The following BTBD16 variants were observed in gnomAD, a reference collection of about 807,000 sequenced individuals.
BTBD16 encodes the protein BTB/POZ domain-containing protein 16.
In BTBD16, 66 loss-of-function variants were observed where a neutral mutation model predicts 67.4. The observed-to-expected ratio is 0.98, with a 90% CI of 0.80 to 1.20. The LOEUF (loss-of-function observed/expected upper bound fraction) is 1.20, where lower values mean the gene tolerates loss of function less well. Ranked by LOEUF, BTBD16 falls within the 50% of genes most tolerant of loss-of-function variation. BTBD16 has a pLI of 0.00. For missense variants in BTBD16, 634 were observed against 616.0 expected, an observed-to-expected ratio of 1.03 and a Z score of -0.31; for synonymous variants, 242 against 236.4, an observed-to-expected ratio of 1.02 and a Z score of -0.22.
In BTBD16 at chr10:122,336,692, C is replaced by A. The variant is rs1396312549; in HGVS notation, c.1452+10C>A. ...ATCCTGCAAAAGCCATGCAAGTGTT[C>A]ACGTTGTCTTTTCCTTTATTTCCTT... On this transcript the variant is annotated intron_variant, in intron 15 of 15. Transcript: ENST00000260723. 1 of 1,566,386 alleles carries A rather than the reference C, an allele frequency of 6.4e-7. No homozygotes were observed. The highest frequency in any genetic ancestry group is 1.2e-5 in the South Asian group (1 of 83,032).
chr10:122,275,070 C>T lies in BTBD16; in HGVS notation c.-12C>T, dbSNP rs746231038. On this transcript the variant is annotated 5_prime_UTR_variant, in exon 2 of 16. Transcript: ENST00000260723. ...TTGTCTTTTCTCTCCTGCGTAATTT[C>T]CACTTTCATTCATGATAATGTCGAA... is the stretch of plus-strand genomic sequence containing the variant. 1.2e-6 allele frequency: 2 copies of T among 1,613,970 alleles called. No individual in the cohort carries two copies. The highest frequency in any genetic ancestry group is 2.2e-5 in the South Asian group (2 of 91,040).
chr10:122,325,902 C>T (rs1256906845), intron 10 of BTBD16, among the ~76,000 whole-genome samples: 1 of 152,070 alleles, frequency 6.6e-6, no homozygotes, highest in Admixed American at 6.5e-5. Context: ...TCTCCAACTC[C>T]TGACCTCAGG....
At chr10:122,279,931 G>A (rs184294582) in intron 3 of BTBD16, among the ~76,000 whole-genome samples, 168 of 152,224 alleles carry the variant, frequency 1.1e-3, no homozygotes, top group Admixed American at 2.7e-3. Context: ...CCAGCTTCTC[G>A]TCTATTTCGG....
At chr10:122,291,706 A>G (rs929369587) in intron 7 of BTBD16, 5 of 152,272 alleles carry the variant, frequency 3.3e-5, no homozygotes, top group African/African-American at 1.2e-4. Flanking sequence ...TTATTGTTAT[A>G]AATGTTACAT....
intron 10 of BTBD16, among the ~76,000 whole-genome samples, chr10:122,316,849 C>T (rs1198846474): frequency 6.6e-6 from 1 of 151,418 alleles, no homozygotes; most frequent in Non-Finnish European, 1.5e-5. Flanking sequence ...AGTGCAACGG[C>T]GCAATCTCGG....
chr10:122,277,096 T>G lies in BTBD16; in HGVS notation c.167+157T>G, dbSNP rs190239135. Among the ~76,000 whole-genome samples, 281 of 151,962 alleles carry G rather than the reference T, an allele frequency of 1.8e-3. 2 individuals are homozygous for G. The highest frequency in any genetic ancestry group is 3.4e-3 in the Non-Finnish European group (230 of 67,996). On this transcript the variant is annotated intron_variant, in intron 3 of 15. Transcript: ENST00000260723. ...AGCCAGCTCTCAGGCATGGACAGGG[T>G]CATAAGTGACTACTACCTCTGAGAA... is the stretch of plus-strand genomic sequence containing the variant.
chr10:122,297,910 A>G (rs1230057935), intron 8 of BTBD16, 73 bp downstream of exon 8: 30 of 1,376,584 alleles, frequency 2.2e-5, no homozygotes, highest in Non-Finnish European at 3.1e-5. Flanking sequence ...CTGGGATTTT[A>G]CCCACCAGGC....
chr10:122,277,608 G>A (rs1360085364), intron 3 of BTBD16, among the ~76,000 whole-genome samples: 1 of 152,122 alleles, frequency 6.6e-6, no homozygotes, highest in African/African-American at 2.4e-5. Flanking sequence ...AAGAGGAGCC[G>A]AGTGTGCAGA....
At chr10:122,320,290 T>A (rs964396381) in intron 10 of BTBD16, among the ~76,000 whole-genome samples, 1 of 152,112 alleles carries the variant, frequency 6.6e-6, no homozygotes, top group Non-Finnish European at 1.5e-5. Flanking sequence ...CAGGAGGAAA[T>A]AATTTAATCT....
chr10:122,320,327 T>A (rs1443896941), intron 10 of BTBD16, among the ~76,000 whole-genome samples: 4 of 152,076 alleles, frequency 2.6e-5, no homozygotes, highest in African/African-American at 2.4e-5. Flanking sequence ...ATTTTAACTA[T>A]AGGTTTTTTA....
At chr10:122,320,524 CTAAT>C (rs762837757) in intron 10 of BTBD16, among the ~76,000 whole-genome samples, 1 of 151,966 alleles carries the variant, frequency 6.6e-6, no homozygotes, top group Non-Finnish European at 1.5e-5. Context: ...AAATTTCCCT[CTAAT>C]TATTGCTTTA....
At chr10:122,278,560 G>A (rs1379701146) in intron 3 of BTBD16, among the ~76,000 whole-genome samples, 1 of 152,196 alleles carries the variant, frequency 6.6e-6, no homozygotes, top group Non-Finnish European at 1.5e-5. Flanking sequence ...TAATCCCGGT[G>A]ATTTCATCTT....
At chr10:122,332,942 A>G in intron 13 of BTBD16, 3 of 985,326 alleles carry the variant, frequency 3.0e-6, no homozygotes, top group Admixed American at 6.1e-5. Context: ...CTGGGCAGCT[A>G]TTTTGATGGA....
intron 12 of BTBD16, 91 bp from the exon 13 acceptor site, chr10:122,332,345 G>GA (rs1229489130): frequency 5.8e-6 from 7 of 1,201,020 alleles, no homozygotes; most frequent in Non-Finnish European, 7.2e-6. Flanking sequence ...TGGTGAGGGG[G>GA]GCAGGGGTCA....
intron 3 of BTBD16, among the ~76,000 whole-genome samples, chr10:122,278,393 T>C (rs1186033966): frequency 4.6e-5 from 7 of 152,228 alleles, no homozygotes; most frequent in African/African-American, 1.2e-4. Context: ...TTTCCTCATC[T>C]TTCAAATGGT....
chr10:122,275,623 C>G (rs975840517), intron 2 of BTBD16, among the ~76,000 whole-genome samples: 5 of 152,196 alleles, frequency 3.3e-5, no homozygotes, highest in Non-Finnish European at 7.3e-5. Context: ...CTCATATGCT[C>G]TAGTCCGTGG....
chr10:122,318,746 C>T (rs571986670), intron 10 of BTBD16, among the ~76,000 whole-genome samples: 33 of 152,222 alleles, frequency 2.2e-4, no homozygotes, highest in South Asian at 6.2e-4. Context: ...CCAACACGCC[C>T]GGCTAATTTT....
At chr10:122,334,803 T>A in intron 13 of BTBD16, 78 bp from the exon 14 acceptor site, 1 of 885,370 alleles carries the variant, frequency 1.1e-6, no homozygotes, top group South Asian at 1.4e-5. Context: ...ATTACAGGTG[T>A]GAACCACCAC....
chr10:122,333,274 G>A (rs987676474), intron 13 of BTBD16, among the ~76,000 whole-genome samples: 1 of 152,100 alleles, frequency 6.6e-6, no homozygotes, highest in African/African-American at 2.4e-5. Context: ...CACAGAGCCA[G>A]GACTTCCTGC....
Sources: gnomAD v4.1 joint callset for allele counts (sites outside exome capture counted in the v4.1 genomes callset) on GRCh38, gnomAD v4.1.1 for gene constraint, MANE v1.5 for transcripts, NCBI Gene and HGNC (gene_info 2026-07-23, HGNC 2026-07-21) for gene names.